GALNT13: variants seen among roughly 807,000 people sequenced by gnomAD.
GALNT13 encodes UDP-GalNAc:polypeptide N-acetylgalactosaminyltransferase 13.
GALNT13 carries 28 observed loss-of-function variants against 64.2 expected under a neutral mutation model. The observed-to-expected ratio is 0.44, with a 90% CI of 0.32 to 0.60. GALNT13 has a LOEUF of 0.60. GALNT13 is among the 20% of genes least tolerant of loss of function. GALNT13 has a pLI of 0.05. For synonymous variants in GALNT13, 214 were observed against 224.6 expected, an observed-to-expected ratio of 0.95 and a Z score of 0.42; for missense variants, 577 against 669.8, an observed-to-expected ratio of 0.86 and a Z score of 1.53.
the GALNT13 span, among the ~76,000 whole-genome samples, chr2:153,462,906 C>T: frequency 6.6e-6 from 1 of 152,102 alleles, no homozygotes; most frequent in Non-Finnish European, 1.5e-5. Context: ...GTAGCTGTAT[C>T]TTTTCATAGA....
At chr2:153,722,906 A>G in the GALNT13 span, among the ~76,000 whole-genome samples, 1 of 151,474 alleles carries the variant, frequency 6.6e-6, no homozygotes, top group African/African-American at 2.4e-5. Flanking sequence ...TCCTTCTGAA[A>G]CTATTCCAAT....
At chr2:153,139,752 G>C in the GALNT13 span, among the ~76,000 whole-genome samples, 1 of 151,980 alleles carries the variant, frequency 6.6e-6, no homozygotes, top group Non-Finnish European at 1.5e-5. Context: ...AGGGAGAGGG[G>C]GGATAATCAG....
the GALNT13 span, among the ~76,000 whole-genome samples, chr2:153,296,003 C>T: frequency 8.2e-4 from 125 of 152,242 alleles, no homozygotes; most frequent in Admixed American, 2.2e-3. Flanking sequence ...CACATTAGAG[C>T]GCCCACTCAG....
At chr2:153,334,280 A>G in the GALNT13 span, among the ~76,000 whole-genome samples, 2 of 152,212 alleles carry the variant, frequency 1.3e-5, no homozygotes, top group Non-Finnish European at 2.9e-5. Context: ...AAGCTCTGAT[A>G]TTTGTTGGTA....
chr2:154,408,206 G>C (rs1699639600), intron 10 of GALNT13, among the ~76,000 whole-genome samples: 1 of 152,054 alleles, frequency 6.6e-6, no homozygotes, highest in Non-Finnish European at 1.5e-5. Context: ...TTGATTCAGT[G>C]AGATTAGTAT....
the GALNT13 span, among the ~76,000 whole-genome samples, chr2:153,633,215 T>C: frequency 2.5e-4 from 38 of 152,260 alleles, no homozygotes; most frequent in African/African-American, 9.1e-4. Flanking sequence ...TTCCAACATA[T>C]ACAAAATAGA....
chr2:153,881,559 GACA>G (rs1214509947), intron 1 of GALNT13, among the ~76,000 whole-genome samples: 5 of 152,212 alleles, frequency 3.3e-5, no homozygotes, highest in Non-Finnish European at 5.9e-5. Context: ...TGCTGTTGCA[GACA>G]ACAATAGGCC....
At chr2:154,161,876 G>A (rs959304772) in intron 4 of GALNT13, among the ~76,000 whole-genome samples, 1 of 151,902 alleles carries the variant, frequency 6.6e-6, no homozygotes, top group African/African-American at 2.4e-5. Context: ...CACCTCCCGG[G>A]TTCACACCAT....
the GALNT13 span, among the ~76,000 whole-genome samples, chr2:153,337,468 A>G: frequency 2.0e-5 from 3 of 152,244 alleles, no homozygotes; most frequent in Non-Finnish European, 2.9e-5. Flanking sequence ...TGTAAAATCT[A>G]TAACACTCAG....
the GALNT13 span, among the ~76,000 whole-genome samples, chr2:153,151,464 G>A: frequency 3.4e-4 from 51 of 152,052 alleles, 1 homozygote; most frequent in Non-Finnish European, 7.4e-4. Context: ...ATTTGACCCA[G>A]CAATCCCATT....
the GALNT13 span, among the ~76,000 whole-genome samples, chr2:153,720,163 G>A: frequency 4.9e-5 from 7 of 142,420 alleles, no homozygotes; most frequent in East Asian, 2.1e-4. Flanking sequence ...CCTGACCCCC[G>A]AGCAGCCTAA....
At chr2:154,370,445 C>T (rs1260025879) in intron 9 of GALNT13, among the ~76,000 whole-genome samples, 1 of 152,006 alleles carries the variant, frequency 6.6e-6, no homozygotes, top group East Asian at 1.9e-4. Flanking sequence ...TGGGTGAGGA[C>T]AGCAGTAGGA....
intron 2 of GALNT13, among the ~76,000 whole-genome samples, chr2:153,933,689 CTATT>C (rs1258270802): frequency 6.6e-6 from 1 of 151,952 alleles, no homozygotes; most frequent in African/African-American, 2.4e-5. Flanking sequence ...CGTCAGTGGG[CTATT>C]TATTTAAGTT....
the GALNT13 span, among the ~76,000 whole-genome samples, chr2:153,285,784 G>A: frequency 1.8e-4 from 28 of 152,080 alleles, no homozygotes; most frequent in South Asian, 5.6e-3. Flanking sequence ...ACTAGCCAAT[G>A]CAATTAAACA....
the GALNT13 span, among the ~76,000 whole-genome samples, chr2:153,439,631 T>A: frequency 6.6e-6 from 1 of 152,204 alleles, no homozygotes; most frequent in Non-Finnish European, 1.5e-5. Flanking sequence ...GTGTGGGATA[T>A]AATCTCCTGG....
chr2:153,296,225 G>T, the GALNT13 span, among the ~76,000 whole-genome samples: 1 of 152,026 alleles, frequency 6.6e-6, no homozygotes, highest in East Asian at 1.9e-4. Context: ...TCTAGAAAGG[G>T]GACCCCAGGA....
At chr2:153,312,192 G>A in the GALNT13 span, among the ~76,000 whole-genome samples, 1 of 152,184 alleles carries the variant, frequency 6.6e-6, no homozygotes, top group South Asian at 2.1e-4. Flanking sequence ...CCAAGATCCT[G>A]ACTTTCTACG....
At chr2:153,863,021 T>G in the GALNT13 span, among the ~76,000 whole-genome samples, 1 of 152,244 alleles carries the variant, frequency 6.6e-6, no homozygotes, top group African/African-American at 2.4e-5. Flanking sequence ...TTTGGCCACA[T>G]AGGTGAATTT....
intron 1 of GALNT13, among the ~76,000 whole-genome samples, chr2:153,893,611 C>A (rs1458922673): frequency 2.6e-5 from 4 of 151,704 alleles, no homozygotes; most frequent in Non-Finnish European, 4.4e-5. Flanking sequence ...ATTTACAAAA[C>A]AACTTTATTC....
Sources: gnomAD v4.1 joint callset for allele counts (sites outside exome capture counted in the v4.1 genomes callset) on GRCh38, gnomAD v4.1.1 for gene constraint, MANE v1.5 for transcripts, NCBI Gene and HGNC (gene_info 2026-07-23, HGNC 2026-07-21) for gene names.